Variants in NFKB1 observed in about 807,000 individuals in gnomAD.
The protein encoded by NFKB1 is nuclear factor kappa B subunit 1.
NFKB1 carries 9 observed loss-of-function variants against 105.1 expected under a neutral mutation model. The ratio of observed to expected loss-of-function variants is 0.09; its 90% CI spans 0.05 to 0.15. NFKB1 has a LOEUF of 0.15. Among genes scored for constraint, NFKB1 ranks in the 10% least tolerant of loss-of-function variants. The pLI, the probability that NFKB1 is intolerant of heterozygous loss-of-function variation, is 1.00. For missense variants in NFKB1, 830 were observed against 1,203.7 expected, an observed-to-expected ratio of 0.69 and a Z score of 4.59; for synonymous variants, 440 against 442.2, an observed-to-expected ratio of 1.00 and a Z score of 0.06.
chr4:102,599,117 G>A (rs1436152695), intron 15 of NFKB1, among the ~76,000 whole-genome samples: 1 of 152,196 alleles, frequency 6.6e-6, no homozygotes, highest in Non-Finnish European at 1.5e-5. Context: ...ATTCCCATAA[G>A]GGTGTGAGGA....
intron 11 of NFKB1, among the ~76,000 whole-genome samples, chr4:102,587,669 G>A (rs1725824692): frequency 6.6e-6 from 1 of 152,020 alleles, no homozygotes; most frequent in Non-Finnish European, 1.5e-5. Flanking sequence ...TTGATGAAAA[G>A]CTTCATACAA....
chr4:102,530,830 A>T (rs149509945), intron 3 of NFKB1, among the ~76,000 whole-genome samples: 3 of 152,152 alleles, frequency 2.0e-5, no homozygotes, highest in Admixed American at 2.0e-4. Flanking sequence ...CTAGGAGTTC[A>T]TGGGAGGGAA....
chr4:102,560,542 A>G (rs958549536), intron 5 of NFKB1, among the ~76,000 whole-genome samples: 1 of 152,208 alleles, frequency 6.6e-6, no homozygotes, highest in Non-Finnish European at 1.5e-5. Context: ...CAGTGAATCA[A>G]TGCAACTCCA....
chr4:102,538,756 T>C (rs1443733154), intron 5 of NFKB1, among the ~76,000 whole-genome samples: 2 of 152,230 alleles, frequency 1.3e-5, no homozygotes, highest in African/African-American at 4.8e-5. Context: ...ATAAACGCAG[T>C]CAACAATTGT....
rs760714767 is a variant in NFKB1, at chr4:102,576,963, C to T, written c.495C>T (p.Gly165=). The part of the protein sequence containing the change: ...EARMTEACIR[G]YNPGLLVHPD... Reference sequence around the variant, plus strand: ...GAATGACAGAGGCGTGTATAAGGGGCTATAATCCTGGACTCTTGGTGCACC... The same window carrying T: ...GAATGACAGAGGCGTGTATAAGGGGTTATAATCCTGGACTCTTGGTGCACC... The change falls in exon 7 of 24, where the codon GGC becomes GGT. Residue 165 remains glycine (G), a synonymous_variant. Transcript: ENST00000226574. 4.3e-6 allele frequency: 7 copies of T among 1,613,876 alleles called. No homozygotes were observed. In the Admixed American group the frequency reaches 1.2e-4, roughly 27 times the overall value.
intron 22 of NFKB1, among the ~76,000 whole-genome samples, chr4:102,613,209 C>A (rs562011240): frequency 6.6e-6 from 1 of 152,150 alleles, no homozygotes; most frequent in African/African-American, 2.4e-5. Flanking sequence ...CTACAAACCA[C>A]TTCTCTGTGA....
At chr4:102,594,748 A>G in intron 12 of NFKB1, 144 bp from the exon 13 acceptor site, 1 of 547,992 alleles carries the variant, frequency 1.8e-6, no homozygotes, top group South Asian at 2.9e-5. Flanking sequence ...CATGTGTCTT[A>G]GTCCCAACAG....
At chr4:102,557,399 G>A (rs1271339897) in intron 5 of NFKB1, among the ~76,000 whole-genome samples, 2 of 152,156 alleles carry the variant, frequency 1.3e-5, no homozygotes, top group African/African-American at 4.8e-5. Flanking sequence ...GGTCATGGGA[G>A]CCCAGATTCA....
At chr4:102,535,136 A>G (rs1741552130) in intron 4 of NFKB1, among the ~76,000 whole-genome samples, 1 of 152,126 alleles carries the variant, frequency 6.6e-6, no homozygotes, top group African/African-American at 2.4e-5. Context: ...TTTCTCAGAG[A>G]AGGTCATCAA....
At chr4:102,504,399 A>T (rs776022542) in intron 1 of NFKB1, among the ~76,000 whole-genome samples, 3 of 152,160 alleles carry the variant, frequency 2.0e-5, no homozygotes, top group Non-Finnish European at 2.9e-5. Context: ...AAAATTTCTC[A>T]TTAATTTTCT....
intron 23 of NFKB1, among the ~76,000 whole-genome samples, chr4:102,614,483 C>T (rs529499425): frequency 6.6e-6 from 1 of 152,324 alleles, no homozygotes; most frequent in Admixed American, 6.5e-5. Flanking sequence ...CATTTAGCTA[C>T]AGTCCAATTG....
chr4:102,584,493 T>A (rs989418730), intron 10 of NFKB1, among the ~76,000 whole-genome samples, 189 bp from the exon 11 acceptor site: 1 of 152,330 alleles, frequency 6.6e-6, no homozygotes, highest in Non-Finnish European at 1.5e-5. Flanking sequence ...ACAGTAGCAA[T>A]TTCATAAAAA....
chr4:102,532,601 C>T (rs1394879495), intron 3 of NFKB1, among the ~76,000 whole-genome samples: 2 of 152,010 alleles, frequency 1.3e-5, no homozygotes, highest in Non-Finnish European at 2.9e-5. Flanking sequence ...GCACTCCAGC[C>T]TGGGTGACAG....
At chr4:102,586,072 C>T (rs1368795553) in intron 11 of NFKB1, among the ~76,000 whole-genome samples, 1 of 152,070 alleles carries the variant, frequency 6.6e-6, no homozygotes, top group Non-Finnish European at 1.5e-5. Context: ...TATGTCACCA[C>T]TGAGGGTACC....
intron 5 of NFKB1, among the ~76,000 whole-genome samples, chr4:102,556,043 G>A (rs1321967654): frequency 6.6e-6 from 1 of 152,172 alleles, no homozygotes; most frequent in Non-Finnish European, 1.5e-5. Context: ...GACAAACTGA[G>A]ATTTTTGGGG....
At chr4:102,518,403 TA>T (rs1406389079) in intron 1 of NFKB1, among the ~76,000 whole-genome samples, 1 of 152,020 alleles carries the variant, frequency 6.6e-6, no homozygotes, top group Admixed American at 6.6e-5. Flanking sequence ...ACTAATAGAG[TA>T]AAAAAATGAG....
At chr4:102,516,675 A>G (rs906292928) in intron 1 of NFKB1, among the ~76,000 whole-genome samples, 27 of 151,686 alleles carry the variant, frequency 1.8e-4, no homozygotes, top group African/African-American at 5.6e-4. Flanking sequence ...ACCATATGCT[A>G]TTAGCTATTT....
chr4:102,602,463 C>T (rs1313163012), intron 16 of NFKB1, among the ~76,000 whole-genome samples: 2 of 151,310 alleles, frequency 1.3e-5, no homozygotes, highest in Non-Finnish European at 2.9e-5. Context: ...TGGTGTGAAC[C>T]TGGAGGCTGA....
chr4:102,610,622 G>T lies in NFKB1; in HGVS notation c.2275G>T (p.Asp759Tyr). Residue 759 changes from aspartate to tyrosine, a missense_variant, in exon 20 of 24, where the codon GAC becomes TAC. Asp to Tyr is a radical substitution (Grantham distance 160). This residue lies in a region of NFKB1 where 418 missense variants were observed against 575.3 expected (regional missense o/e 0.73). Transcript: ENST00000226574. ...ENFEPLYDLD[D>Y]SWENAGEDEG... ...CTTTGAGCCTCTCTATGACCTGGAT[G>T]ACTCTTGGGAAAATGCAGGAGAGGA... The T allele has an allele frequency of 6.2e-7, 1 of 1,614,022 alleles. No homozygotes were observed. The highest frequency in any genetic ancestry group is 1.1e-5 in the South Asian group (1 of 91,072).
Sources: gnomAD v4.1 joint callset for allele counts (sites outside exome capture counted in the v4.1 genomes callset) on GRCh38, gnomAD v4.1.1 for gene constraint, gnomAD v4.1.1 regional missense constraint, MANE v1.5 for transcripts, NCBI Gene and HGNC (gene_info 2026-07-23, HGNC 2026-07-21) for gene names.